Variants in ZNF106 observed in about 807,000 individuals in gnomAD.
ZNF106 encodes SH3-domain binding protein 3.
A neutral mutation model predicts 195.1 loss-of-function variants in ZNF106; 67 were observed. That is an observed-to-expected ratio of 0.34 (90% confidence interval 0.28 to 0.42). The LOEUF (loss-of-function observed/expected upper bound fraction) is 0.42, where lower values mean the gene tolerates loss of function less well. Among genes scored for constraint, ZNF106 ranks in the 10% least tolerant of loss-of-function variants. ZNF106 has a pLI of 1.00. For synonymous variants in ZNF106, 784 were observed against 818.6 expected (o/e 0.96, Z 0.72); for missense variants, 2,118 against 2,304.5 (o/e 0.92, Z 1.66).
chr15:42,465,276 A>G (rs112128406), intron 3 of ZNF106, among the ~76,000 whole-genome samples: 110 of 151,786 alleles, frequency 7.2e-4, no homozygotes, highest in Non-Finnish European at 2.6e-4. Flanking sequence ...ATCACAGAAT[A>G]GCATCCTTCT....
rs113615701 is a variant in ZNF106 at position 42,437,194 on chromosome 15, C to G, written c.4746+38G>C. ...AAGTATAAACTGGATTTTCCAAAAC[C>G]TGCAACCAAAAACATTCTACATGTT... is the stretch of plus-strand genomic sequence containing the variant. On this transcript the variant is annotated intron_variant, in intron 13 of 21. Coordinates refer to ENST00000564754, the MANE Select transcript of ZNF106 (RefSeq NM_001366845.3). 7 of 1,576,332 alleles carry G rather than the reference C, an allele frequency of 4.4e-6. No homozygotes were observed. The African/African-American group carries it at 5.5e-5, about 12-fold the overall frequency.
chr15:42,461,001 A>T (rs1370064509), intron 3 of ZNF106, among the ~76,000 whole-genome samples: 2 of 143,632 alleles, frequency 1.4e-5, no homozygotes, highest in Non-Finnish European at 2.9e-5. Flanking sequence ...CTTCAAAAAG[A>T]GAAACTTCAA....
chr15:42,439,820 T>A lies in ZNF106; in HGVS notation c.3764-7A>T. The A allele has an allele frequency of 6.7e-7, 1 of 1,496,748 alleles. No homozygotes were observed. The highest frequency in any genetic ancestry group is 8.9e-7 in the Non-Finnish European group (1 of 1,126,846). 92.7% of individuals were successfully genotyped at this position (1,496,748 alleles called of 1,614,324 possible). On this transcript the variant is annotated splice_region_variant and splice_polypyrimidine_tract_variant and intron_variant, in intron 10 of 21. Transcript: ENST00000564754. ...CAACTGTCACTGATCTCTCCTGAAT[T>A]GAGAGGAAAAAAATTATTGCATCCT...
intron 1 of ZNF106, among the ~76,000 whole-genome samples, chr15:42,482,371 A>T (rs1484457317): frequency 6.6e-6 from 1 of 152,064 alleles, no homozygotes; most frequent in Admixed American, 6.6e-5. Flanking sequence ...TATATCCTGG[A>T]TATTTTGAAT....
At chr15:42,486,485 TC>T (rs2057019349) in intron 1 of ZNF106, among the ~76,000 whole-genome samples, 1 of 151,940 alleles carries the variant, frequency 6.6e-6, no homozygotes, top group Non-Finnish European at 1.5e-5. Context: ...GATCTTGAAC[TC>T]CCAGTTTCAA....
intron 14 of ZNF106, among the ~76,000 whole-genome samples, chr15:42,431,958 T>C (rs527297259): frequency 1.3e-5 from 2 of 152,322 alleles, no homozygotes; most frequent in East Asian, 3.9e-4. Context: ...TTTTATTTAG[T>C]AGTCTATCAA....
intron 4 of ZNF106, among the ~76,000 whole-genome samples, chr15:42,453,002 A>G (rs1262957224): frequency 6.6e-6 from 1 of 152,070 alleles, no homozygotes. Context: ...CCTAGTTATC[A>G]TATTTAGTAC....
intron 1 of ZNF106, among the ~76,000 whole-genome samples, chr15:42,483,172 T>G (rs1173573701): frequency 1.7e-5 from 2 of 120,036 alleles, no homozygotes; most frequent in Non-Finnish European, 3.5e-5. Context: ...TCTGCCTGGT[T>G]TTTTTGTAAC....
In ZNF106 at chr15:42,448,403, T is replaced by C; in HGVS notation, c.2804A>G (p.Gln935Arg). ...QSQKATMHLK[Q>R]EVTPRAASLR... ...GGAGGCAGCCCGAGGTGTCACTTCT[T>C]GTTTGAGGTGCATGGTTGCTTTCTG... The change falls in exon 6 of 22, where the codon CAA becomes CGA. Residue 935 changes from glutamine to arginine, a missense_variant. Transcript: ENST00000564754. 1.9e-6 allele frequency: 3 copies of C among 1,614,158 alleles called. No homozygotes were observed. Among genetic ancestry groups the C allele is most frequent in the South Asian group, 1.1e-5 (1 of 91,090 alleles).
intron 1 of ZNF106, among the ~76,000 whole-genome samples, chr15:42,476,857 C>T (rs553395246): frequency 2.0e-5 from 3 of 152,092 alleles, no homozygotes; most frequent in South Asian, 2.1e-4. Context: ...CTTAAGATTT[C>T]CTTAATAATA....
chr15:42,430,912 T>C (rs1046565051), intron 14 of ZNF106, among the ~76,000 whole-genome samples: 6 of 152,036 alleles, frequency 3.9e-5, no homozygotes, highest in Non-Finnish European at 7.3e-5. Flanking sequence ...CCCAAAGCAC[T>C]AGAATTACAG....
chr15:42,484,385 C>T (rs893972367), intron 1 of ZNF106, among the ~76,000 whole-genome samples: 8 of 152,156 alleles, frequency 5.3e-5, no homozygotes, highest in Non-Finnish European at 1.5e-5. Context: ...TCAGACATGA[C>T]TATATTAGAA....
intron 1 of ZNF106, among the ~76,000 whole-genome samples, chr15:42,475,399 G>A (rs2056764142): frequency 6.6e-6 from 1 of 152,082 alleles, no homozygotes; most frequent in Non-Finnish European, 1.5e-5. Flanking sequence ...CCGAGATGAC[G>A]CCCCTGCACT....
At position 42,439,086 on chromosome 15, in the gene ZNF106, T is replaced by C; in HGVS notation, c.4491A>G (p.Glu1497=). ...PLETSRSGCD[E]VSSTSEIGTR... Reference sequence around the variant, plus strand: ...TGCCAATTTCACTGGTAGAGCTAACTTCATCACACCCAGAACGAGACGTTT... The same window carrying C: ...TGCCAATTTCACTGGTAGAGCTAACCTCATCACACCCAGAACGAGACGTTT... The change falls in exon 11 of 22, where the codon GAA becomes GAG. Residue 1497 remains glutamate (E), a synonymous_variant. Coordinates refer to ENST00000564754, the MANE Select transcript of ZNF106 (RefSeq NM_001366845.3). 2 of 1,614,202 alleles carry C rather than the reference T, an allele frequency of 1.2e-6. No individual in the cohort carries two copies. Among genetic ancestry groups the C allele is most frequent in the African/African-American group, 1.3e-5 (1 of 75,054 alleles).
chr15:42,490,600 C>T (rs1425430238), intron 1 of ZNF106, among the ~76,000 whole-genome samples: 1 of 152,226 alleles, frequency 6.6e-6, no homozygotes. Flanking sequence ...GGTTGTCAGT[C>T]GCGAGAGGTT....
intron 3 of ZNF106, among the ~76,000 whole-genome samples, chr15:42,461,122 T>C (rs1420748610): frequency 6.6e-6 from 1 of 152,198 alleles, no homozygotes; most frequent in Admixed American, 6.5e-5. Flanking sequence ...AAAATTCAAG[T>C]GTGTGTGGAG....
chr15:42,449,893 C>T lies in ZNF106; in HGVS notation c.2379G>A (p.Lys793=), dbSNP rs755479994. The change falls in exon 5 of 22, where the codon AAG becomes AAA. Residue 793 remains lysine, a synonymous_variant. Transcript: ENST00000564754. ...ISGHRKSETE[K]ESGLKPTLRQ... is the part of the protein sequence containing the mutation. ...GTAGGGTTGGCTTGAGCCCAGACTC[C>T]TTCTCTGTCTCACTCTTTCGGTGAC... 3.1e-6 allele frequency: 5 copies of T among 1,614,178 alleles called. No individual in the cohort carries two copies. In the South Asian group the frequency reaches 5.5e-5, roughly 18 times the overall value.
chr15:42,490,638 G>C (rs2057135885), intron 1 of ZNF106, among the ~76,000 whole-genome samples: 1 of 152,294 alleles, frequency 6.6e-6, no homozygotes, highest in African/African-American at 2.4e-5. Context: ...TGAGACCTAC[G>C]GGCTTTAAGG....
At chr15:42,446,306 C>T (rs2055766030) in intron 7 of ZNF106, among the ~76,000 whole-genome samples, 1 of 152,200 alleles carries the variant, frequency 6.6e-6, no homozygotes, top group South Asian at 2.1e-4. Flanking sequence ...TGGGGCTGGG[C>T]ACGGTGGCTC....
Sources: allele counts gnomAD v4.1 joint callset (sites outside exome capture counted in the v4.1 genomes callset), GRCh38; gene constraint gnomAD v4.1.1; transcripts MANE v1.5; gene names NCBI Gene and HGNC (gene_info 2026-07-23, HGNC 2026-07-21).